Variants in COBL observed in about 807,000 individuals in gnomAD.
COBL encodes cordon-bleu WH2 repeat protein.
A neutral mutation model predicts 98.8 loss-of-function variants in COBL; 51 were observed. The observed-to-expected ratio is 0.52, with a 90% CI of 0.41 to 0.65. The LOEUF (loss-of-function observed/expected upper bound fraction) is 0.65. Ranked by LOEUF, COBL falls within the 30% of genes least tolerant of loss-of-function variation. The pLI is 0.00. For missense variants in COBL, 1,617 were observed against 1,617.5 expected (o/e 1.00, Z 0.01); for synonymous variants, 634 against 651.7 (o/e 0.97, Z 0.41).
At chr7:51,142,768 C>T (rs1036419620) in intron 5 of COBL, among the ~76,000 whole-genome samples, 8 of 152,118 alleles carry the variant, frequency 5.3e-5, no homozygotes, top group African/African-American at 1.7e-4. Flanking sequence ...TGAAGCAGGA[C>T]CATCTGCCAG....
chr7:51,217,436 G>T (rs1405750861), intron 2 of COBL, among the ~76,000 whole-genome samples: 2 of 149,988 alleles, frequency 1.3e-5, no homozygotes, highest in Non-Finnish European at 3.0e-5. Context: ...CCATCTCCCG[G>T]GTTCAAGTGA....
At chr7:51,185,923 C>T (rs1378604680) in intron 4 of COBL, among the ~76,000 whole-genome samples, 1 of 152,234 alleles carries the variant, frequency 6.6e-6, no homozygotes, top group Non-Finnish European at 1.5e-5. Flanking sequence ...CAAAGGTGCA[C>T]ATCCTAGCCA....
At chr7:51,217,053 T>G (rs1046455935) in intron 2 of COBL, among the ~76,000 whole-genome samples, 3 of 152,224 alleles carry the variant, frequency 2.0e-5, no homozygotes, top group African/African-American at 4.8e-5. Context: ...AACTCACTGA[T>G]GCTTCAGGAA....
intron 1 of COBL, among the ~76,000 whole-genome samples, chr7:51,289,201 T>C (rs1236210014): frequency 6.6e-6 from 1 of 152,246 alleles, no homozygotes; most frequent in African/African-American, 2.4e-5. Flanking sequence ...TTTCAACAAA[T>C]GATGTTATAA....
intron 6 of COBL, among the ~76,000 whole-genome samples, chr7:51,133,723 G>C (rs766790770): frequency 6.6e-6 from 1 of 152,180 alleles, no homozygotes; most frequent in Non-Finnish European, 1.5e-5. Flanking sequence ...GATCTGAGAA[G>C]AGCATTCGGT....
chr7:51,250,262 G>A (rs1796618291), intron 1 of COBL, among the ~76,000 whole-genome samples: 1 of 152,134 alleles, frequency 6.6e-6, no homozygotes, highest in African/African-American at 2.4e-5. Context: ...TACACACTCA[G>A]AGAACTCATC....
At chr7:51,254,051 T>C (rs995706054) in intron 1 of COBL, among the ~76,000 whole-genome samples, 1 of 149,988 alleles carries the variant, frequency 6.7e-6, no homozygotes, top group African/African-American at 2.4e-5. Context: ...CCACACATCC[T>C]CATTCTTCCT....
At chr7:51,270,448 G>A (rs1347298133) in intron 1 of COBL, among the ~76,000 whole-genome samples, 2 of 152,200 alleles carry the variant, frequency 1.3e-5, no homozygotes, top group East Asian at 1.9e-4. Context: ...CAGGAGCCTC[G>A]TGGGGAAGAG....
Position 51,016,906 on chromosome 7 carries a change from T to G in COBL, c.*645A>C, listed in dbSNP as rs184622231. On this transcript the variant is annotated 3_prime_UTR_variant, in exon 13 of 13. Coordinates refer to ENST00000265136, the MANE Select transcript of COBL (RefSeq NM_015198.5). ...TCACGTAGGACTGTTTTCTGGGTGG[T>G]AATAGTTGATTTTTAAAAGCTTAGT... 7.0e-5 allele frequency: 28 copies of G among 399,520 alleles called. No individual in the cohort carries two copies. In the East Asian group the frequency reaches 9.6e-4, roughly 14 times the overall value. 24.7% of individuals were successfully genotyped at this position (399,520 alleles called of 1,614,324 possible).
At chr7:51,179,172 G>A (rs556874691) in intron 5 of COBL, among the ~76,000 whole-genome samples, 48 of 152,212 alleles carry the variant, frequency 3.2e-4, no homozygotes, top group Non-Finnish European at 5.1e-4. Context: ...GGCATATTTG[G>A]TATGTGAAAA....
At chr7:51,269,118 G>A (rs1798510598) in intron 1 of COBL, among the ~76,000 whole-genome samples, 1 of 151,958 alleles carries the variant, frequency 6.6e-6, no homozygotes. Flanking sequence ...GTGTCCCCAA[G>A]CACTCCTGGG....
At chr7:51,270,847 A>T (rs1054357435) in intron 1 of COBL, among the ~76,000 whole-genome samples, 1 of 152,188 alleles carries the variant, frequency 6.6e-6, no homozygotes. Flanking sequence ...ACCAAAAAAA[A>T]ACAAGAAATC....
At chr7:51,302,372 G>T (rs916981462) in intron 1 of COBL, among the ~76,000 whole-genome samples, 1 of 151,932 alleles carries the variant, frequency 6.6e-6, no homozygotes, top group Admixed American at 6.6e-5. Context: ...ACCTGAGGTC[G>T]GGAGTTCGAG....
At position 51,313,844 on chromosome 7, in the gene COBL, C is replaced by T. The variant is rs1013906830; in HGVS notation, c.41+2749G>A. ...AAAACCTCACCAAAAGGCAATTTGC[C>T]TTTACTTGTGTTCTGAGTATTCTGT... On this transcript the variant is annotated intron_variant, in intron 1 of 12. Coordinates refer to ENST00000265136, the MANE Select transcript of COBL (RefSeq NM_015198.5). 5.3e-5 allele frequency among the ~76,000 whole-genome samples: 8 copies of T among 152,162 alleles called. No individual in the cohort carries two copies. In the East Asian group the frequency reaches 9.6e-4, roughly 18 times the overall value.
At chr7:51,258,058 A>T (rs888953985) in intron 1 of COBL, among the ~76,000 whole-genome samples, 17 of 152,252 alleles carry the variant, frequency 1.1e-4, no homozygotes, top group Non-Finnish European at 1.2e-4. Context: ...ACTTTCCTAG[A>T]AATAAGGTAG....
At chr7:51,291,531 C>G (rs1800889878) in intron 1 of COBL, among the ~76,000 whole-genome samples, 1 of 152,028 alleles carries the variant, frequency 6.6e-6, no homozygotes, top group Non-Finnish European at 1.5e-5. Flanking sequence ...GAGGCTGAGG[C>G]AGGCGGATCA....
At chr7:51,099,066 T>C (rs1227505932) in intron 6 of COBL, among the ~76,000 whole-genome samples, 14 of 146,584 alleles carry the variant, frequency 9.6e-5, no homozygotes, top group Non-Finnish European at 1.9e-4. Flanking sequence ...AGATATCACC[T>C]CACTTCCACT....
rs1791324520 is a variant in COBL, at chr7:51,061,244, GTGTA to G, written c.1097-17556_1097-17553del. ...TAAGAATATGTTTGTGTGTGTGTGTGTGTATATATGTATATATACATATAAATAT... is the reference window on the plus strand; with the variant it reads ...TAAGAATATGTTTGTGTGTGTGTGTGTATATGTATATATACATATAAATAT... On this transcript the variant is annotated intron_variant, in intron 7 of 12. Transcript: ENST00000265136. Among the ~76,000 whole-genome samples the G allele has an allele frequency of 1.1e-4, 17 of 152,248 alleles. No individual in the cohort carries two copies. In the South Asian group the frequency reaches 3.5e-3, roughly 32 times the overall value.
chr7:51,311,214 T>G (rs759831166), intron 1 of COBL, among the ~76,000 whole-genome samples: 3 of 152,224 alleles, frequency 2.0e-5, no homozygotes, highest in Non-Finnish European at 4.4e-5. Context: ...TAATTGGACT[T>G]GGCCTATAGA....
Sources: allele counts gnomAD v4.1 joint callset (sites outside exome capture counted in the v4.1 genomes callset), GRCh38; gene constraint gnomAD v4.1.1; transcripts MANE v1.5; gene names NCBI Gene and HGNC (gene_info 2026-07-23, HGNC 2026-07-21).